The following NTM variants were observed in gnomAD, a reference collection of about 807,000 sequenced individuals.
NTM encodes neurotrimin.
A neutral mutation model predicts 42.1 loss-of-function variants in NTM; 13 were observed. The ratio of observed to expected loss-of-function variants is 0.31; its 90% CI spans 0.20 to 0.49. The LOEUF (loss-of-function observed/expected upper bound fraction) is 0.49, where lower values mean the gene tolerates loss of function less well. Among genes scored for constraint, NTM ranks in the 20% least tolerant of loss-of-function variants. The probability of loss-of-function intolerance (pLI) is 0.99; values close to 1 mark genes in which losing one functional copy is unlikely to be tolerated. For missense variants in NTM, 373 were observed against 452.8 expected (o/e 0.82, Z 1.60); for synonymous variants, 187 against 179.2 (o/e 1.04, Z -0.35).
chr11:131,581,617 T>G (rs376399105), intron 1 of NTM, among the ~76,000 whole-genome samples: 89 of 152,338 alleles, frequency 5.8e-4, no homozygotes, highest in African/African-American at 2.1e-3. Context: ...ATTCTGACTC[T>G]GGCTGACCAG....
intron 2 of NTM, among the ~76,000 whole-genome samples, chr11:132,100,004 A>G (rs1281623407): frequency 6.6e-6 from 1 of 151,944 alleles, no homozygotes; most frequent in Non-Finnish European, 1.5e-5. Context: ...CACCCCCTAA[A>G]CTTCTCCTTT....
chr11:131,985,424 A>T (rs112021826), intron 2 of NTM, among the ~76,000 whole-genome samples: 3 of 152,316 alleles, frequency 2.0e-5, no homozygotes, highest in African/African-American at 7.2e-5. Flanking sequence ...ATTAGTTGTT[A>T]TAACAAATAA....
chr11:131,408,289 T>A (rs1410182644), intron 1 of NTM, among the ~76,000 whole-genome samples: 2 of 152,172 alleles, frequency 1.3e-5, no homozygotes. Flanking sequence ...CAAACCCCTA[T>A]CCTGCCTGTA....
intron 1 of NTM, among the ~76,000 whole-genome samples, chr11:131,683,775 G>A (rs1407529867): frequency 1.3e-5 from 2 of 152,190 alleles, no homozygotes; most frequent in Non-Finnish European, 1.5e-5. Context: ...GTGGCTGGAA[G>A]TTTTAGAGGA....
At chr11:131,610,297 A>G (rs1234310947) in intron 1 of NTM, among the ~76,000 whole-genome samples, 1 of 152,232 alleles carries the variant, frequency 6.6e-6, no homozygotes, top group African/African-American at 2.4e-5. Context: ...TTTGGATTAA[A>G]CCATGGCAGG....
At chr11:131,585,328 C>G (rs577846376) in intron 1 of NTM, among the ~76,000 whole-genome samples, 1 of 152,298 alleles carries the variant, frequency 6.6e-6, no homozygotes, top group Non-Finnish European at 1.5e-5. Context: ...TGCCAGCTGG[C>G]CTGGCTGGGG....
intron 2 of NTM, among the ~76,000 whole-genome samples, chr11:132,124,785 GC>G (rs2065404005): frequency 6.6e-6 from 1 of 152,114 alleles, no homozygotes. Flanking sequence ...GAAATTGTCA[GC>G]CTCAGCAACA....
intron 1 of NTM, chr11:131,910,195 TC>T (rs1233431408): frequency 6.6e-6 from 1 of 152,130 alleles, no homozygotes. Flanking sequence ...TTCTAAAACA[TC>T]CTCCGAACAC....
chr11:131,957,419 G>A (rs559253722), intron 2 of NTM, among the ~76,000 whole-genome samples: 22 of 152,238 alleles, frequency 1.4e-4, no homozygotes, highest in African/African-American at 4.8e-4. Flanking sequence ...CCTCCTGCAG[G>A]TGCAGTTTTC....
intron 3 of NTM, among the ~76,000 whole-genome samples, chr11:132,192,736 G>T (rs2079511927): frequency 6.6e-6 from 1 of 152,098 alleles, no homozygotes; most frequent in Admixed American, 6.6e-5. Flanking sequence ...AGACCCAACA[G>T]TCTGCTGCCG....
chr11:131,593,054 C>T (rs889524416), intron 1 of NTM, among the ~76,000 whole-genome samples: 4 of 152,152 alleles, frequency 2.6e-5, no homozygotes, highest in Admixed American at 6.5e-5. Context: ...AAGCAGTTGC[C>T]CTTGTGAGTG....
intron 1 of NTM, among the ~76,000 whole-genome samples, chr11:131,668,147 G>A (rs114908689): frequency 1.7e-3 from 266 of 152,268 alleles, no homozygotes; most frequent in Middle Eastern, 0.01. Flanking sequence ...AATGGAACAC[G>A]AGCCTGGGCT....
At chr11:131,831,001 AC>A (rs1257267347) in intron 1 of NTM, among the ~76,000 whole-genome samples, 29 of 152,312 alleles carry the variant, frequency 1.9e-4, no homozygotes, top group African/African-American at 7.0e-4. Flanking sequence ...TAGAAATGCT[AC>A]TGATTTTTGT....
At chr11:131,394,203 G>C (rs943733442) in intron 1 of NTM, among the ~76,000 whole-genome samples, 1 of 152,196 alleles carries the variant, frequency 6.6e-6, no homozygotes, top group Non-Finnish European at 1.5e-5. Flanking sequence ...ATGATTCCCA[G>C]TCCCAGCTTG....
At chr11:132,034,671 C>A (rs2076303172) in intron 2 of NTM, among the ~76,000 whole-genome samples, 1 of 152,244 alleles carries the variant, frequency 6.6e-6, no homozygotes. Context: ...ACAAAGGAAC[C>A]TGGAGAGAGG....
At chr11:132,288,752 T>C (rs549023684) in intron 4 of NTM, among the ~76,000 whole-genome samples, 7 of 152,280 alleles carry the variant, frequency 4.6e-5, no homozygotes, top group Non-Finnish European at 7.4e-5. Context: ...CCTGAGTAGC[T>C]GGGATTACAG....
At chr11:131,954,232 T>C (rs1430005997) in intron 2 of NTM, among the ~76,000 whole-genome samples, 1 of 152,186 alleles carries the variant, frequency 6.6e-6, no homozygotes, top group Non-Finnish European at 1.5e-5. Context: ...ACAGGACGCT[T>C]CACTCAGCAG....
chr11:132,282,394 G>A (rs751648918), intron 4 of NTM, among the ~76,000 whole-genome samples: 1 of 152,170 alleles, frequency 6.6e-6, no homozygotes, highest in Non-Finnish European at 1.5e-5. Context: ...GCTATAAATT[G>A]TTCTGGTTTC....
intron 1 of NTM, among the ~76,000 whole-genome samples, chr11:131,736,673 G>C (rs1256740941): frequency 1.3e-5 from 2 of 152,134 alleles, no homozygotes; most frequent in African/African-American, 2.4e-5. Context: ...GGCAGCCAAG[G>C]ACACAATAAG....
Sources: allele counts gnomAD v4.1 joint callset (sites outside exome capture counted in the v4.1 genomes callset), GRCh38; gene constraint gnomAD v4.1.1; transcripts MANE v1.5; gene names NCBI Gene and HGNC (gene_info 2026-07-23, HGNC 2026-07-21).